MTAP: variants seen among roughly 807,000 people sequenced by gnomAD.
MTAP encodes the protein S-methyl-5'-thioadenosine phosphorylase.
A neutral mutation model predicts 33.6 loss-of-function variants in MTAP; 33 were observed. The ratio of observed to expected loss-of-function variants is 0.98; its 90% confidence interval spans 0.74 to 1.31. The LOEUF is 1.31. Among genes scored for constraint, MTAP ranks in the 40% most tolerant of loss-of-function variants. The probability of loss-of-function intolerance (pLI) is 0.00; values close to 1 mark genes in which losing one functional copy is unlikely to be tolerated. For synonymous variants in MTAP, 148 were observed against 125.7 expected (o/e 1.18, Z -1.19); for missense variants, 367 against 360.0 (o/e 1.02, Z -0.16).
chr9:21,815,786 C>T (rs529114670), intron 2 of MTAP, among the ~76,000 whole-genome samples: 1 of 152,226 alleles, frequency 6.6e-6, no homozygotes, highest in African/African-American at 2.4e-5. Flanking sequence ...ATCAGATACT[C>T]ATTTCAGACC....
intron 1 of MTAP, among the ~76,000 whole-genome samples, chr9:21,905,398 T>A (rs77052100): frequency 6.6e-6 from 1 of 150,504 alleles, no homozygotes; most frequent in Non-Finnish European, 1.5e-5. Context: ...CTGTATCAAA[T>A]AGACTGCAGT....
intron 1 of MTAP, among the ~76,000 whole-genome samples, chr9:21,921,774 C>A (rs1431597919): frequency 6.6e-6 from 1 of 152,088 alleles, no homozygotes; most frequent in Non-Finnish European, 1.5e-5. Flanking sequence ...AGTTTGAGAC[C>A]AGCCTGGACA....
intron 1 of MTAP, chr9:21,803,039 ACCT>A: frequency 2.1e-6 from 1 of 472,230 alleles, no homozygotes; most frequent in Non-Finnish European, 2.7e-6. Context: ...CACACACACC[ACCT>A]TTTGGCTTAT....
At chr9:21,814,295 G>A (rs1315333022) in intron 1 of MTAP, among the ~76,000 whole-genome samples, 6 of 152,054 alleles carry the variant, frequency 3.9e-5, no homozygotes, top group Non-Finnish European at 8.8e-5. Flanking sequence ...TGTGTAACCT[G>A]ACCTGAAAAT....
At chr9:21,819,573 C>T (rs1824577168) in intron 4 of MTAP, among the ~76,000 whole-genome samples, 1 of 152,200 alleles carries the variant, frequency 6.6e-6, no homozygotes, top group African/African-American at 2.4e-5. Context: ...CAAGTCTTTG[C>T]TATTGTGAAT....
intron 4 of MTAP, 69 bp downstream of exon 4, chr9:21,818,271 G>C: frequency 6.7e-7 from 1 of 1,486,752 alleles, no homozygotes; most frequent in East Asian, 2.5e-5. Flanking sequence ...GACGACGCGT[G>C]GGAACCGGCA....
At chr9:21,885,666 T>G (rs1325502675) in intron 1 of MTAP, among the ~76,000 whole-genome samples, 1 of 152,128 alleles carries the variant, frequency 6.6e-6, no homozygotes, top group Admixed American at 6.6e-5. Flanking sequence ...GAGCATATGA[T>G]GTTTGGTTTT....
At chr9:21,901,583 G>A (rs574796514) in intron 1 of MTAP, among the ~76,000 whole-genome samples, 1 of 152,072 alleles carries the variant, frequency 6.6e-6, no homozygotes, top group Non-Finnish European at 1.5e-5. Context: ...CTTTTATTAG[G>A]AATCAAAGAA....
At position 21,811,725 on chromosome 9, in the gene MTAP, C is replaced by T. The variant is rs893078905; in HGVS notation, c.34-3708C>T. ...AGGTCGTTCATGTTGCTTTCAGCCT[C>T]GGTGAATTCCATCTCATCCATGCCC... On this transcript the variant is annotated intron_variant, in intron 1 of 7. Transcript: ENST00000644715. The T allele has an allele frequency of 2.1e-5, 11 of 531,750 alleles. 1 individual carries two copies. The highest frequency in any genetic ancestry group is 5.8e-5 in the Admixed American group (3 of 51,566). 32.9% of individuals were successfully genotyped at this position (531,750 alleles called of 1,614,324 possible).
intron 2 of MTAP, among the ~76,000 whole-genome samples, chr9:21,816,428 A>T (rs997056110): frequency 5.3e-5 from 8 of 152,132 alleles, no homozygotes; most frequent in African/African-American, 1.9e-4. Flanking sequence ...TCTAAATTTG[A>T]CCAGTCTACC....
intron 1 of MTAP, among the ~76,000 whole-genome samples, chr9:21,896,822 A>G (rs1476077028): frequency 6.6e-6 from 1 of 152,234 alleles, no homozygotes; most frequent in African/African-American, 2.4e-5. Context: ...AGCTGGTACC[A>G]TTCCTTCTGA....
Position 21,839,173 on chromosome 9 carries a change from G to GT in MTAP, c.450+1178dup, listed in dbSNP as rs10634119. On this transcript the variant is annotated intron_variant, in intron 5 of 7. Transcript: ENST00000644715. ...TCTAGGAAAGTACGTCTTTTACTTG[G>GT]TTTTTTTTTTTTTTTAAAAAAGTGG... Among the ~76,000 whole-genome samples the GT allele has an allele frequency of 9.5e-3, 1,360 of 143,676 alleles. 11 individuals are homozygous for GT. Among genetic ancestry groups the GT allele is most frequent in the Non-Finnish European group, 0.01 (675 of 65,544 alleles). 94.3% of individuals were successfully genotyped at this position (143,676 alleles called of 152,430 possible).
chr9:21,815,066 T>A (rs377414760), intron 1 of MTAP, among the ~76,000 whole-genome samples: 3 of 152,356 alleles, frequency 2.0e-5, no homozygotes, highest in African/African-American at 4.8e-5. Context: ...ACAAAATTGA[T>A]CAGAAGGTAC....
At chr9:21,823,036 T>TG in intron 4 of MTAP, among the ~76,000 whole-genome samples, 1 of 152,356 alleles carries the variant, frequency 6.6e-6, no homozygotes, top group African/African-American at 2.4e-5. Context: ...GCACGTGAGT[T>TG]GGGTCTCCTG....
chr9:21,897,427 G>A (rs566260694), intron 1 of MTAP, among the ~76,000 whole-genome samples: 17 of 152,326 alleles, frequency 1.1e-4, no homozygotes, highest in East Asian at 7.7e-4. Context: ...ATGAGGAAAA[G>A]AGGAAGTCAA....
In MTAP at chr9:21,874,444, T is replaced by C. The variant is rs188344763; in HGVS notation, c.147+19574T>C. Reference sequence around the variant, plus strand: ...TCCAAGTAAAGTCTATACATTGCAATTGGTTAATACATATTTTGTGTTTCT... The same window carrying C: ...TCCAAGTAAAGTCTATACATTGCAACTGGTTAATACATATTTTGTGTTTCT... On this transcript the variant is annotated intron_variant, in intron 1 of 1. Transcript: ENST00000577563. Among the ~76,000 whole-genome samples, 35 of 152,334 alleles carry C rather than the reference T, an allele frequency of 2.3e-4. 1 individual carries two copies. In the East Asian group the frequency reaches 6.8e-3, roughly 29 times the overall value.
chr9:21,933,402 GAGA>G (rs1310143224), downstream of MTAP: 1 of 152,180 alleles, frequency 6.6e-6, no homozygotes, highest in African/African-American at 2.4e-5. Context: ...TTAACCAATG[GAGA>G]AGGAGTTTAA....
chr9:21,803,337 C>T (rs1824115480), intron 1 of MTAP: 1 of 170,922 alleles, frequency 5.9e-6, no homozygotes, highest in East Asian at 1.6e-4. Context: ...TTCCTCCAAA[C>T]GTAGGCCTTC....
rs112977652 is a variant in MTAP at position 21,863,592 on chromosome 9, C to T, written c.*1578C>T. 7.7e-5 allele frequency: 74 copies of T among 964,950 alleles called. 1 individual carries two copies. Among genetic ancestry groups the T allele is most frequent in the African/African-American group, 7.1e-4 (40 of 56,364 alleles). 59.8% of individuals were successfully genotyped at this position (964,950 alleles called of 1,614,324 possible). A position where few individuals can be genotyped will look rare whatever the true frequency, so the allele number is the denominator to read the frequency against. On this transcript the variant is annotated 3_prime_UTR_variant, in exon 8 of 8. Transcript: ENST00000644715. ...GAGACGAGCTTGTGCCACTGCACTC[C>T]AGCCTGGGCAACAGAGTAAGACTCA...
Sources: gnomAD v4.1 joint callset for allele counts (sites outside exome capture counted in the v4.1 genomes callset) on GRCh38, gnomAD v4.1.1 for gene constraint, MANE v1.5 for transcripts, NCBI Gene and HGNC (gene_info 2026-07-23, HGNC 2026-07-21) for gene names.